The following PTGFRN variants were observed in gnomAD, a reference collection of about 807,000 sequenced individuals.
PTGFRN encodes the protein prostaglandin F2 receptor negative regulator.
In PTGFRN, 35 loss-of-function variants were observed where a neutral mutation model predicts 83.2. That is an observed-to-expected ratio of 0.42 (90% CI 0.32 to 0.56). The LOEUF (loss-of-function observed/expected upper bound fraction) is 0.56, where lower values mean the gene tolerates loss of function less well. Ranked by LOEUF, PTGFRN falls within the 20% of genes least tolerant of loss-of-function variation. PTGFRN has a pLI of 0.11. For missense variants in PTGFRN, 1,051 were observed against 1,179.5 expected (o/e 0.89, Z 1.60); for synonymous variants, 519 against 498.6 (o/e 1.04, Z -0.55).
intron 4 of PTGFRN, among the ~76,000 whole-genome samples, chr1:116,960,137 A>G (rs78653964): frequency 0.018 from 2,770 of 152,304 alleles, 91 homozygotes; most frequent in African/African-American, 0.064. Flanking sequence ...CTGGCATACA[A>G]AAGTGCATAG....
At chr1:116,978,043 C>T (rs10923188) in intron 7 of PTGFRN, among the ~76,000 whole-genome samples, 19,793 of 152,158 alleles carry the variant, frequency 0.13, 1,490 homozygotes, top group Middle Eastern at 0.22. Context: ...AAGGGGATAT[C>T]ACCACTGATC....
At position 116,958,390 on chromosome 1, in the gene PTGFRN, G is replaced by T. The variant is rs1034812753; in HGVS notation, c.1214-2853G>T. 6.6e-6 allele frequency among the ~76,000 whole-genome samples: 1 copy of T among 152,182 alleles called. No homozygotes were observed. Among genetic ancestry groups the T allele is most frequent in the Non-Finnish European group, 1.5e-5 (1 of 68,034 alleles). On this transcript the variant is annotated intron_variant, in intron 4 of 8. Transcript: ENST00000393203. This position sits in a 1 kb window ranked among gnomAD's most constrained non-coding sequence, Gnocchi z 4.9. The stretch of plus-strand genomic sequence containing the variant: ...AACTTAGAAAATATGAAGTTTAGAA[G>T]ACAGTAGGTTTGGTTCATCTGTGAG...
At chr1:116,936,424 A>G (rs1194641573) in intron 1 of PTGFRN, among the ~76,000 whole-genome samples, 1 of 152,208 alleles carries the variant, frequency 6.6e-6, no homozygotes, top group African/African-American at 2.4e-5. Flanking sequence ...ATCTGTTCAT[A>G]TCTGCTTTAC....
chr1:116,939,150 G>A (rs773966121), intron 1 of PTGFRN, among the ~76,000 whole-genome samples: 4 of 152,226 alleles, frequency 2.6e-5, no homozygotes, highest in East Asian at 1.9e-4. Context: ...TGGATCTACC[G>A]TTCTGGGGTC....
intron 7 of PTGFRN, among the ~76,000 whole-genome samples, chr1:116,976,374 G>A (rs146085876): frequency 0.039 from 5,960 of 152,082 alleles, 358 homozygotes; most frequent in African/African-American, 0.13. Flanking sequence ...TACAGAGAAC[G>A]CCACAAAGAT....
Position 116,953,441 on chromosome 1 carries a change from C to A in PTGFRN, c.1213+3869C>A, listed in dbSNP as rs1355750938. Reference sequence around the variant, plus strand: ...TTGGAGTCAGGAGACATGTGTTAGTCCTCCTTCTAGGTATGTTGCCTCGGG... The same window carrying A: ...TTGGAGTCAGGAGACATGTGTTAGTACTCCTTCTAGGTATGTTGCCTCGGG... On this transcript the variant is annotated intron_variant, in intron 4 of 8. Transcript: ENST00000393203. 1.3e-5 allele frequency among the ~76,000 whole-genome samples: 2 copies of A among 152,108 alleles called. 1 individual carries two copies. Among genetic ancestry groups the A allele is most frequent in the South Asian group, 4.2e-4 (2 of 4,804 alleles).
intron 4 of PTGFRN, among the ~76,000 whole-genome samples, chr1:116,959,390 G>A (rs899069333): frequency 6.6e-6 from 1 of 152,182 alleles, no homozygotes; most frequent in Non-Finnish European, 1.5e-5. Context: ...TTAAATACTT[G>A]TGAAGATGAC....
At chr1:116,959,079 T>C (rs1015242267) in intron 4 of PTGFRN, among the ~76,000 whole-genome samples, 5 of 152,234 alleles carry the variant, frequency 3.3e-5, no homozygotes, top group African/African-American at 1.2e-4. Flanking sequence ...GAATTCGACA[T>C]GAAAGTTTAG....
rs540268260 is a variant in PTGFRN, at chr1:116,942,215, T to G, written c.418+132T>G. 3.2e-6 allele frequency: 4 copies of G among 1,244,762 alleles called. No homozygotes were observed. The African/African-American group carries it at 4.6e-5, about 14-fold the overall frequency. 77.1% of individuals were successfully genotyped at this position (1,244,762 alleles called of 1,614,324 possible). A position where few individuals can be genotyped will look rare whatever the true frequency, so the allele number is the denominator to read the frequency against. ...TCCTCTGTCCAGGGGAATAATCATGTCTTAAATAATCATGTCTTAAAATTT... is the reference window on the plus strand; with the variant it reads ...TCCTCTGTCCAGGGGAATAATCATGGCTTAAATAATCATGTCTTAAAATTT... On this transcript the variant is annotated intron_variant, in intron 2 of 8. Coordinates refer to ENST00000393203, the MANE Select transcript of PTGFRN (RefSeq NM_020440.4).
chr1:116,912,293 A>G (rs958188721), intron 1 of PTGFRN, among the ~76,000 whole-genome samples: 4 of 152,134 alleles, frequency 2.6e-5, no homozygotes, highest in Admixed American at 2.6e-4. Context: ...TGAACCATTG[A>G]TGACCCTCCT....
chr1:116,930,325 C>T (rs1394114648), intron 1 of PTGFRN, among the ~76,000 whole-genome samples: 1 of 152,172 alleles, frequency 6.6e-6, no homozygotes, highest in African/African-American at 2.4e-5. Flanking sequence ...TTCTTCTGCT[C>T]ATGCCTTAAA....
intron 7 of PTGFRN, among the ~76,000 whole-genome samples, chr1:116,979,523 A>T (rs536184735): frequency 1.5e-3 from 232 of 152,286 alleles, no homozygotes; most frequent in African/African-American, 5.3e-3. Flanking sequence ...CAAAACAGAG[A>T]TATAGACCAA....
Position 116,944,982 on chromosome 1 carries a change from A to C in PTGFRN, c.722A>C (p.Asp241Ala), listed in dbSNP as rs752171374. 1 of 1,613,860 alleles carries C rather than the reference A, an allele frequency of 6.2e-7. No individual in the cohort carries two copies. The highest frequency in any genetic ancestry group is 8.5e-7 in the Non-Finnish European group (1 of 1,180,022). The change falls in exon 3 of 9, where the codon GAC (aspartate) becomes GCC (alanine). Residue 241 changes from aspartate (D) to alanine (A), a missense_variant. Asp to Ala is a moderately radical substitution (Grantham distance 126). Around this residue, in one of 3 missense-constraint regions of PTGFRN, gnomAD observed 205 missense variants for 174.5 expected, o/e 1.17. Coordinates refer to ENST00000393203, the MANE Select transcript of PTGFRN (RefSeq NM_020440.4). Reference protein sequence around the residue: ...RLSVSRALSADQGSYRCIVSE... With the variant: ...RLSVSRALSAAQGSYRCIVSE... Reference sequence around the variant, plus strand: ...TCAGTGTCCCGGGCTCTGTCTGCCGACCAGGGCTCCTACAGGTGTATCGTC... The same window carrying C: ...TCAGTGTCCCGGGCTCTGTCTGCCGCCCAGGGCTCCTACAGGTGTATCGTC...
At chr1:116,920,599 C>T (rs979469786) in intron 1 of PTGFRN, among the ~76,000 whole-genome samples, 1 of 152,166 alleles carries the variant, frequency 6.6e-6, no homozygotes, top group Admixed American at 6.5e-5. Context: ...GGCTTTTACA[C>T]CCTTCCTGAA....
At chr1:116,976,258 G>C (rs1651153121) in intron 7 of PTGFRN, among the ~76,000 whole-genome samples, 1 of 152,216 alleles carries the variant, frequency 6.6e-6, no homozygotes. Flanking sequence ...TGGTGTACCT[G>C]AAAGTGATGG....
chr1:116,913,793 G>A (rs561011703), intron 1 of PTGFRN, among the ~76,000 whole-genome samples: 6 of 152,296 alleles, frequency 3.9e-5, no homozygotes, highest in African/African-American at 1.4e-4. Context: ...TTTGTAGGGC[G>A]AGATTAACAG....
chr1:116,914,072 A>G (rs1649339596), intron 1 of PTGFRN, among the ~76,000 whole-genome samples: 2 of 152,256 alleles, frequency 1.3e-5, no homozygotes, highest in Admixed American at 6.5e-5. Context: ...TGTGTCTTAT[A>G]TAACAATGCG....
Position 116,961,993 on chromosome 1 carries a change from C to G in PTGFRN, c.1639+325C>G, listed in dbSNP as rs150412059. Among the ~76,000 whole-genome samples, 1 of 152,168 alleles carries G rather than the reference C, an allele frequency of 6.6e-6. No homozygotes were observed. Among genetic ancestry groups the G allele is most frequent in the African/African-American group, 2.4e-5 (1 of 41,426 alleles). ...AGGACACTCTTTCCCCTGGAGAAAC[C>G]GTTACCTCTCTGAGGACAGTTTCCC... is the stretch of plus-strand genomic sequence containing the variant. On this transcript the variant is annotated intron_variant, in intron 5 of 8. Coordinates refer to ENST00000393203, the MANE Select transcript of PTGFRN (RefSeq NM_020440.4). This position sits in a 1 kb window ranked among gnomAD's most constrained non-coding sequence, Gnocchi z 5.4.
At chr1:116,983,737 T>C (rs1467121849) in intron 7 of PTGFRN, among the ~76,000 whole-genome samples, 1 of 152,240 alleles carries the variant, frequency 6.6e-6, no homozygotes, top group East Asian at 1.9e-4. Flanking sequence ...GAACAAATGT[T>C]ATCTCTTGTT....
Sources: allele counts gnomAD v4.1 joint callset (sites outside exome capture counted in the v4.1 genomes callset), GRCh38; gene constraint gnomAD v4.1.1; regional missense constraint gnomAD v4.1.1; non-coding constraint Gnocchi (gnomAD v3.1); transcripts MANE v1.5; gene names NCBI Gene and HGNC (gene_info 2026-07-23, HGNC 2026-07-21).